Variants in NCOA7 observed in about 807,000 individuals in gnomAD.
NCOA7 encodes nuclear receptor coactivator 7, also known as 140 kDa estrogen receptor-associated protein.
NCOA7 carries 45 observed loss-of-function variants against 104.3 expected under a neutral mutation model. That is an observed-to-expected ratio of 0.43 (90% CI 0.34 to 0.55). NCOA7 has a LOEUF of 0.55. Ranked by LOEUF, NCOA7 falls within the 20% of genes least tolerant of loss-of-function variation. NCOA7 has a pLI of 0.02. For synonymous variants in NCOA7, 398 were observed against 402.3 expected, an observed-to-expected ratio of 0.99 and a Z score of 0.13; for missense variants, 1,041 against 1,119.7, an observed-to-expected ratio of 0.93 and a Z score of 1.00.
chr6:125,781,516 T>C (rs1350873818), intron 1 of NCOA7: 3 of 152,026 alleles, frequency 2.0e-5, no homozygotes, highest in Non-Finnish European at 4.4e-5. Flanking sequence ...GATAGAAAAA[T>C]CATCAGAAGA....
chr6:125,925,901 G>GA (rs1387246946), intron 13 of NCOA7, among the ~76,000 whole-genome samples: 11 of 151,830 alleles, frequency 7.2e-5, no homozygotes, highest in African/African-American at 2.7e-4. Flanking sequence ...TACATTAATA[G>GA]AAAAAAAGAC....
At position 125,855,894 on chromosome 6, in the gene NCOA7, A is replaced by C. The variant is rs555435830; in HGVS notation, c.271+654A>C. 2.1e-4 allele frequency among the ~76,000 whole-genome samples: 32 copies of C among 152,228 alleles called. 1 individual carries two copies. The South Asian group carries it at 5.0e-3, about 24-fold the overall frequency. On this transcript the variant is annotated intron_variant, in intron 3 of 15. Transcript: ENST00000392477. ...GAGACGGGGTTTCACCATGTTGAGCAGGCTGGTCTTGAATTCCTGACCTCA... is the reference window on the plus strand; with the variant it reads ...GAGACGGGGTTTCACCATGTTGAGCCGGCTGGTCTTGAATTCCTGACCTCA...
upstream of NCOA7, among the ~76,000 whole-genome samples, chr6:125,789,677 G>C (rs768496002): frequency 3.3e-5 from 5 of 152,134 alleles, no homozygotes; most frequent in Non-Finnish European, 7.4e-5. Context: ...TGCAAAACTG[G>C]GCAATTATTC....
chr6:125,812,601 T>C (rs894790107), intron 1 of NCOA7, among the ~76,000 whole-genome samples: 2 of 152,194 alleles, frequency 1.3e-5, no homozygotes, highest in Non-Finnish European at 2.9e-5. Flanking sequence ...CACAAGCATA[T>C]GCTGATAATT....
At chr6:125,898,491 A>C (rs1785229556) in intron 10 of NCOA7, among the ~76,000 whole-genome samples, 1 of 152,240 alleles carries the variant, frequency 6.6e-6, no homozygotes, top group Non-Finnish European at 1.5e-5. Flanking sequence ...AGATTGGGCA[A>C]CAAATTGATG....
chr6:125,915,468 C>A lies in NCOA7; in HGVS notation c.2232C>A (p.Thr744=). 2 of 1,613,670 alleles carry A rather than the reference C, an allele frequency of 1.2e-6. No homozygotes were observed. The highest frequency in any genetic ancestry group is 1.6e-4 in the Middle Eastern group (1 of 6,062). ...MIDNFFSEPT[T]KSWEIITVEE... is the part of the protein sequence containing the mutation. Reference sequence around the variant, plus strand: ...ACAACTTCTTCAGTGAGCCAACAACCAAGAGCTGGGAGGTGAGCACTTGGG... The same window carrying A: ...ACAACTTCTTCAGTGAGCCAACAACAAAGAGCTGGGAGGTGAGCACTTGGG... Residue 744 remains threonine, a synonymous_variant, in exon 11 of 16, where the codon ACC becomes ACA. Transcript: ENST00000392477.
intron 7 of NCOA7, 125 bp from the exon 8 acceptor site, chr6:125,885,034 T>G (rs1784143131): frequency 2.2e-6 from 2 of 904,778 alleles, no homozygotes; most frequent in Non-Finnish European, 3.4e-6. Context: ...GGGATGTAAT[T>G]GTCACATAGG....
intron 2 of NCOA7, among the ~76,000 whole-genome samples, chr6:125,820,464 A>G (rs1359871074): frequency 6.6e-6 from 1 of 152,254 alleles, no homozygotes; most frequent in Non-Finnish European, 1.5e-5. Flanking sequence ...CCCAGCAAGG[A>G]GGGCCAGAGC....
intron 5 of NCOA7, among the ~76,000 whole-genome samples, chr6:125,879,629 A>C (rs1783654792): frequency 6.6e-6 from 1 of 152,224 alleles, no homozygotes; most frequent in South Asian, 2.1e-4. Flanking sequence ...ACAGTGAATA[A>C]CAATATTGAT....
rs1788467144 is a variant in NCOA7, at chr6:125,931,600, C to T, written c.*2829C>T. 1 of 152,214 alleles carries T rather than the reference C, an allele frequency of 6.6e-6. No homozygotes were observed. The highest frequency in any genetic ancestry group is 2.4e-5 in the African/African-American group (1 of 41,440). The allele number at this position is 152,214 out of a possible 1,614,324, so 9.4% of individuals were successfully genotyped here. A position where few individuals can be genotyped will look rare whatever the true frequency, so the allele number is the denominator to read the frequency against. ...CAACCAAATGTTTCTTCAGACTCTA[C>T]TGAAAATGATTAGATGCATCCCCGT... On this transcript the variant is annotated 3_prime_UTR_variant, in exon 16 of 16. Transcript: ENST00000392477.
At chr6:125,800,990 G>A (rs141527700) in intron 1 of NCOA7, among the ~76,000 whole-genome samples, 120 of 152,324 alleles carry the variant, frequency 7.9e-4, no homozygotes, top group African/African-American at 2.6e-3. Context: ...AGCTGAGATC[G>A]TGCCACTGCA....
chr6:125,803,350 G>C (rs1776093492), intron 1 of NCOA7, among the ~76,000 whole-genome samples: 1 of 152,026 alleles, frequency 6.6e-6, no homozygotes, highest in African/African-American at 2.4e-5. Flanking sequence ...TATCTCCCTT[G>C]TCAAAAATTG....
chr6:125,877,178 G>C (rs17053641), intron 4 of NCOA7, among the ~76,000 whole-genome samples: 16,905 of 152,072 alleles, frequency 0.11, 1,100 homozygotes, highest in African/African-American at 0.18. Flanking sequence ...CTTTGAGGCT[G>C]TTTCAATGTA....
chr6:125,922,652 C>T, intron 12 of NCOA7, 30 bp from the exon 13 acceptor site: 1 of 1,597,202 alleles, frequency 6.3e-7, no homozygotes, highest in Non-Finnish European at 8.5e-7. Context: ...GGTGAACCTT[C>T]TGTTTACATC....
chr6:125,916,065 A>T (rs1016329405), intron 11 of NCOA7, among the ~76,000 whole-genome samples: 1 of 152,344 alleles, frequency 6.6e-6, no homozygotes, highest in East Asian at 1.9e-4. Flanking sequence ...TATCATAATT[A>T]TAATCCCCAA....
chr6:125,805,447 T>G (rs1271458172), intron 1 of NCOA7, among the ~76,000 whole-genome samples: 1 of 152,160 alleles, frequency 6.6e-6, no homozygotes, highest in African/African-American at 2.4e-5. Flanking sequence ...CAGGCATTGA[T>G]GTGAAAATTA....
At position 125,929,314 on chromosome 6, in the gene NCOA7, T is replaced by C. The variant is rs1788317780; in HGVS notation, c.*543T>C. On this transcript the variant is annotated 3_prime_UTR_variant, in exon 16 of 16. Coordinates refer to ENST00000392477, the MANE Select transcript of NCOA7 (RefSeq NM_181782.5). ...TCTGAAATGTGTCGGCAGTTTTTTTTCTTTTAATGTGTCAAATCTTGAAAT... is the reference window on the plus strand; with the variant it reads ...TCTGAAATGTGTCGGCAGTTTTTTTCCTTTTAATGTGTCAAATCTTGAAAT... The C allele has an allele frequency of 6.6e-6, 1 of 152,238 alleles. No individual in the cohort carries two copies. Among genetic ancestry groups the C allele is most frequent in the Non-Finnish European group, 1.5e-5 (1 of 67,992 alleles). 9.4% of individuals were successfully genotyped at this position (152,238 alleles called of 1,614,324 possible). A position where few individuals can be genotyped will look rare whatever the true frequency, so the allele number is the denominator to read the frequency against.
rs1382903943 is a variant in NCOA7, at chr6:125,915,473, G to C, written c.2237G>C (p.Ser746Thr). 2 of 1,613,712 alleles carry C rather than the reference G, an allele frequency of 1.2e-6. No individual in the cohort carries two copies. The highest frequency in any genetic ancestry group is 1.7e-6 in the Non-Finnish European group (2 of 1,179,746). The change falls in exon 11 of 16, where the codon AGC becomes ACC. Residue 746 changes from serine to threonine, a missense_variant. Ser to Thr is a moderately conservative substitution (Grantham distance 58). Coordinates refer to ENST00000392477, the MANE Select transcript of NCOA7 (RefSeq NM_181782.5). ...TTCTTCAGTGAGCCAACAACCAAGA[G>C]CTGGGAGGTGAGCACTTGGGCAGGG... ...DNFFSEPTTK[S>T]WEIITVEEAK...
chr6:125,867,675 T>C (rs568987292), intron 3 of NCOA7, among the ~76,000 whole-genome samples: 3 of 152,348 alleles, frequency 2.0e-5, no homozygotes, highest in Admixed American at 1.3e-4. Flanking sequence ...CCTGAAATAC[T>C]TGTGGTTTAG....
Sources: gnomAD v4.1 joint callset for allele counts (sites outside exome capture counted in the v4.1 genomes callset) on GRCh38, gnomAD v4.1.1 for gene constraint, MANE v1.5 for transcripts, NCBI Gene and HGNC (gene_info 2026-07-23, HGNC 2026-07-21) for gene names.